DIAPH3: variants seen among roughly 807,000 people sequenced by gnomAD.
DIAPH3 encodes diaphanous related formin 3.
DIAPH3 carries 117 observed loss-of-function variants against 144.3 expected under a neutral mutation model. The ratio of observed to expected loss-of-function variants is 0.81; its 90% confidence interval spans 0.70 to 0.95. DIAPH3 has a LOEUF of 0.95. DIAPH3 is among the 40% of genes least tolerant of loss of function. The pLI is 0.00. For missense variants in DIAPH3, 1,421 were observed against 1,412.7 expected, an observed-to-expected ratio of 1.01 and a Z score of -0.09; for synonymous variants, 519 against 488.9, an observed-to-expected ratio of 1.06 and a Z score of -0.81.
At chr13:59,976,786 C>A (rs1420005403) in intron 14 of DIAPH3, among the ~76,000 whole-genome samples, 2 of 151,826 alleles carry the variant, frequency 1.3e-5, no homozygotes, top group African/African-American at 4.8e-5. Flanking sequence ...CTATCAACAT[C>A]TCAGCTTCTC....
chr13:59,982,718 T>C (rs926893228), intron 13 of DIAPH3, among the ~76,000 whole-genome samples: 1 of 151,706 alleles, frequency 6.6e-6, no homozygotes, highest in African/African-American at 2.4e-5. Context: ...ACTTGTACTC[T>C]GTTACCCTAA....
chr13:59,683,156 A>T (rs2033033479), intron 27 of DIAPH3, among the ~76,000 whole-genome samples: 1 of 152,186 alleles, frequency 6.6e-6, no homozygotes, highest in African/African-American at 2.4e-5. Flanking sequence ...GGAAGCCTAC[A>T]ATCTAACCAC....
At chr13:59,952,918 A>G (rs2049174131) in intron 17 of DIAPH3, among the ~76,000 whole-genome samples, 1 of 152,192 alleles carries the variant, frequency 6.6e-6, no homozygotes, top group African/African-American at 2.4e-5. Context: ...TACATCAGTA[A>G]ATGAAACAAA....
At chr13:60,069,545 T>C (rs910248841) in intron 4 of DIAPH3, among the ~76,000 whole-genome samples, 1 of 152,134 alleles carries the variant, frequency 6.6e-6, no homozygotes, top group Non-Finnish European at 1.5e-5. Flanking sequence ...TCGTAAAATA[T>C]TTGCCAGGTC....
intron 17 of DIAPH3, among the ~76,000 whole-genome samples, chr13:59,965,786 G>A (rs1162463370): frequency 1.3e-5 from 2 of 152,094 alleles, no homozygotes; most frequent in African/African-American, 4.8e-5. Flanking sequence ...CATCAGGAAT[G>A]TAAAAGCAAC....
intron 25 of DIAPH3, among the ~76,000 whole-genome samples, chr13:59,780,579 A>G (rs193173): frequency 0.61 from 93,278 of 151,954 alleles, 29,104 homozygotes; most frequent in East Asian, 0.7. Context: ...TGTGAAAAAC[A>G]TATCATCTTA....
intron 21 of DIAPH3, among the ~76,000 whole-genome samples, chr13:59,870,540 ATTGAACCCAT>A (rs2044195575): frequency 6.6e-6 from 1 of 152,104 alleles, no homozygotes. Flanking sequence ...CTGGGGCTCT[ATTGAACCCAT>A]AGATCAAGTT....
At chr13:59,673,034 C>A (rs1161844269) in intron 27 of DIAPH3, among the ~76,000 whole-genome samples, 2 of 152,190 alleles carry the variant, frequency 1.3e-5, no homozygotes, top group Non-Finnish European at 2.9e-5. Flanking sequence ...AAAGACAGTA[C>A]TGCCATTTCA....
At chr13:59,686,038 T>C (rs2033193966) in intron 27 of DIAPH3, among the ~76,000 whole-genome samples, 1 of 152,162 alleles carries the variant, frequency 6.6e-6, no homozygotes, top group African/African-American at 2.4e-5. Flanking sequence ...TCTGTGTATT[T>C]AGACTCAGCT....
At chr13:60,066,702 C>T (rs1467115785) in intron 4 of DIAPH3, among the ~76,000 whole-genome samples, 1 of 152,106 alleles carries the variant, frequency 6.6e-6, no homozygotes, top group African/African-American at 2.4e-5. Flanking sequence ...TAATCCCTGC[C>T]CTCAATGAAA....
intron 27 of DIAPH3, among the ~76,000 whole-genome samples, chr13:59,746,017 T>C (rs1255532669): frequency 6.6e-6 from 1 of 152,218 alleles, no homozygotes; most frequent in East Asian, 1.9e-4. Flanking sequence ...AAACAATGTT[T>C]ACATCTTAAA....
At chr13:60,058,844 T>C (rs1472307877) in intron 4 of DIAPH3, among the ~76,000 whole-genome samples, 1 of 151,958 alleles carries the variant, frequency 6.6e-6, no homozygotes, top group Non-Finnish European at 1.5e-5. Context: ...AAGTTGGAGC[T>C]ATGCTATGTG....
At chr13:59,844,543 T>C (rs1303526078) in intron 22 of DIAPH3, among the ~76,000 whole-genome samples, 1 of 150,746 alleles carries the variant, frequency 6.6e-6, no homozygotes, top group Non-Finnish European at 1.5e-5. Context: ...AAACAAAAAC[T>C]ATATCAGGGA....
chr13:59,711,501 C>T (rs2034737983), intron 27 of DIAPH3, among the ~76,000 whole-genome samples: 1 of 152,130 alleles, frequency 6.6e-6, no homozygotes, highest in Non-Finnish European at 1.5e-5. Flanking sequence ...ACACCACCAC[C>T]ACCTCTCTTA....
At chr13:59,765,795 C>T (rs933773558) in intron 27 of DIAPH3, among the ~76,000 whole-genome samples, 9 of 152,166 alleles carry the variant, frequency 5.9e-5, no homozygotes, top group African/African-American at 1.9e-4. Flanking sequence ...TCTGTGGCTA[C>T]TTGGAACTGA....
intron 27 of DIAPH3, among the ~76,000 whole-genome samples, chr13:59,705,524 T>C (rs2034370446): frequency 6.6e-6 from 1 of 152,216 alleles, no homozygotes; most frequent in Non-Finnish European, 1.5e-5. Context: ...CATAAAATCA[T>C]TTCAGATCAA....
At chr13:59,825,122 G>A (rs2041313747) in intron 24 of DIAPH3, among the ~76,000 whole-genome samples, 1 of 151,878 alleles carries the variant, frequency 6.6e-6, no homozygotes, top group Admixed American at 6.6e-5. Context: ...GTGCCATGCT[G>A]GTGTGCTGCA....
At position 60,163,892 on chromosome 13, in the gene DIAPH3, C is replaced by A; in HGVS notation, c.-126G>T. Reference sequence around the variant, plus strand: ...CACCCAAACAGTCAGCACAGCCTAGCCCAACCGCTGAAGTCGGGGCCGCAG... The same window carrying A: ...CACCCAAACAGTCAGCACAGCCTAGACCAACCGCTGAAGTCGGGGCCGCAG... On this transcript the variant is annotated 5_prime_UTR_variant, in exon 1 of 28. Transcript: ENST00000400324. The A allele has an allele frequency of 2.4e-6, 3 of 1,251,092 alleles. No homozygotes were observed. The South Asian group carries it at 4.5e-5, about 19-fold the overall frequency. The allele number at this position is 1,251,092 out of a possible 1,614,324, so 77.5% of individuals were successfully genotyped here. A position where few individuals can be genotyped will look rare whatever the true frequency, so the allele number is the denominator to read the frequency against.
chr13:59,753,849 G>T (rs1593757537), intron 27 of DIAPH3, among the ~76,000 whole-genome samples: 2 of 152,254 alleles, frequency 1.3e-5, no homozygotes, highest in East Asian at 3.9e-4. Flanking sequence ...AACAGCGTTA[G>T]CTTTTATGGG....
Sources: gnomAD v4.1 joint callset for allele counts (sites outside exome capture counted in the v4.1 genomes callset) on GRCh38, gnomAD v4.1.1 for gene constraint, MANE v1.5 for transcripts, NCBI Gene and HGNC (gene_info 2026-07-23, HGNC 2026-07-21) for gene names.